Variants in MYOCOS observed in about 807,000 individuals in gnomAD.
The protein encoded by MYOCOS is myocilin opposite strand.
At chr1:171,621,549 G>T (rs2102939086), upstream of MYOCOS, among the ~76,000 whole-genome samples, 1 of 151,930 alleles carries the variant, frequency 6.6e-6, no homozygotes, top group African/African-American at 2.4e-5. Flanking sequence ...CTAATTTTTT[G>T]TATTTTTAGT....
At chr1:171,614,467 T>G (rs533975177) in intron 1 of MYOCOS, among the ~76,000 whole-genome samples, 1 of 152,176 alleles carries the variant, frequency 6.6e-6, no homozygotes, top group African/African-American at 2.4e-5. Context: ...GATGAACCTT[T>G]AGAGTCATCC....
At chr1:171,624,664 G>T (rs530970271) in intron 2 of MYOCOS, among the ~76,000 whole-genome samples, 117 of 152,110 alleles carry the variant, frequency 7.7e-4, no homozygotes, top group African/African-American at 2.6e-3. Flanking sequence ...TCACAGGATG[G>T]TCTAAATCTC....
intron 1 of MYOCOS, among the ~76,000 whole-genome samples, chr1:171,608,882 A>G (rs1026041049): frequency 3.9e-5 from 6 of 152,172 alleles, no homozygotes; most frequent in African/African-American, 1.4e-4. Context: ...AGCTGGGGAA[A>G]TGAGTCCCTG....
At chr1:171,624,209 C>T (rs929418771) in intron 2 of MYOCOS, among the ~76,000 whole-genome samples, 7 of 152,270 alleles carry the variant, frequency 4.6e-5, no homozygotes, top group African/African-American at 1.7e-4. Context: ...ATGTTCACTG[C>T]GTGGGTGGTC....
At chr1:171,603,415 C>G (rs2102931265) in intron 1 of MYOCOS, among the ~76,000 whole-genome samples, 1 of 152,336 alleles carries the variant, frequency 6.6e-6, no homozygotes, top group East Asian at 1.9e-4. Flanking sequence ...AAAAATAAGA[C>G]ATCGTAAAGT....
At chr1:171,614,333 G>A (rs967093478) in intron 1 of MYOCOS, among the ~76,000 whole-genome samples, 2 of 152,226 alleles carry the variant, frequency 1.3e-5, no homozygotes, top group African/African-American at 2.4e-5. Context: ...CATTGAGGGA[G>A]TGCCCTCTGC....
chr1:171,626,111 C>T (rs61013259), intron 2 of MYOCOS, among the ~76,000 whole-genome samples: 14,071 of 152,172 alleles, frequency 0.092, 2,204 homozygotes, highest in African/African-American at 0.32. Flanking sequence ...GAGACAGGGT[C>T]TCACTCTGTC....
rs117972026 is a variant in MYOCOS at position 171,610,230 on chromosome 1, A to G, written c.-251-4568A>G. Among the ~76,000 whole-genome samples, 88 of 152,360 alleles carry G rather than the reference A, an allele frequency of 5.8e-4. 1 individual carries two copies. In the East Asian group the frequency reaches 0.017, roughly 29 times the overall value. On this transcript the variant is annotated intron_variant, in intron 1 of 3. Transcript: ENST00000636697. ...ATGTGAATAACAGGAGTCAGGGATC[A>G]TTGAGTCTCATCTTAGAGGCTGCCT...
chr1:171,603,449 C>G (rs1198903152), intron 1 of MYOCOS, among the ~76,000 whole-genome samples: 1 of 152,156 alleles, frequency 6.6e-6, no homozygotes, highest in Non-Finnish European at 1.5e-5. Flanking sequence ...ATAGGTCTTT[C>G]AACTCTCACA....
rs907293437 is a variant in MYOCOS, at chr1:171,615,764, G to A, written c.-44+759G>A. 3.9e-5 allele frequency among the ~76,000 whole-genome samples: 6 copies of A among 152,352 alleles called. No individual in the cohort carries two copies. The East Asian group carries it at 1.2e-3, about 29-fold the overall frequency. On this transcript the variant is annotated intron_variant, in intron 2 of 3. Transcript: ENST00000636697. ...TCATGTGAAATCTTTAGTGATGTGAGCCCTTAAAAGGGACAGAAGTTGTGC... is the reference window on the plus strand; with the variant it reads ...TCATGTGAAATCTTTAGTGATGTGAACCCTTAAAAGGGACAGAAGTTGTGC...
intron 1 of MYOCOS, 65 bp downstream of exon 1, chr1:171,622,397 A>C (rs1356222765): frequency 6.6e-6 from 1 of 152,198 alleles, no homozygotes; most frequent in African/African-American, 2.4e-5. Flanking sequence ...AGTTCCTGAG[A>C]GAGACTGACT....
intron 1 of MYOCOS, among the ~76,000 whole-genome samples, chr1:171,606,563 AT>A (rs1404560070): frequency 6.8e-6 from 1 of 146,554 alleles, no homozygotes; most frequent in Non-Finnish European, 1.5e-5. Flanking sequence ...ATAAAAGAAC[AT>A]TGTGGAACTC....
chr1:171,625,368 T>G (rs1445434579), intron 2 of MYOCOS, among the ~76,000 whole-genome samples: 2 of 152,232 alleles, frequency 1.3e-5, no homozygotes, highest in Non-Finnish European at 2.9e-5. Context: ...GTGGCCAGAT[T>G]GAAATTTAAA....
chr1:171,603,113 C>T (rs1473391098), intron 1 of MYOCOS, among the ~76,000 whole-genome samples: 1 of 152,340 alleles, frequency 6.6e-6, no homozygotes, highest in Non-Finnish European at 1.5e-5. Flanking sequence ...ATCCCGAAGT[C>T]CCTGCAGGTC....
chr1:171,612,594 G>T (rs1470075370), intron 1 of MYOCOS, among the ~76,000 whole-genome samples: 1 of 151,922 alleles, frequency 6.6e-6, no homozygotes, highest in African/African-American at 2.4e-5. Context: ...GGGAGGCCGA[G>T]GTGGGTGGAT....
At chr1:171,601,862 C>A (rs1224189112) in intron 1 of MYOCOS, among the ~76,000 whole-genome samples, 1 of 152,090 alleles carries the variant, frequency 6.6e-6, no homozygotes, top group Non-Finnish European at 1.5e-5. Flanking sequence ...TATACCAATT[C>A]TAAGTTAATT....
At position 171,601,469 on chromosome 1, in the gene MYOCOS, G is replaced by A. The variant is rs116406213; in HGVS notation, c.-252+389G>A. On this transcript the variant is annotated intron_variant, in intron 1 of 3. Coordinates refer to the MYOCOS transcript ENST00000636697. The stretch of plus-strand genomic sequence containing the variant: ...TGTGGTGAGTGTGTGTAGTGTGAGC[G>A]TGGTATTTTGTCTCAAAAAAAAAAA... Among the ~76,000 whole-genome samples the A allele has an allele frequency of 5.9e-3, 883 of 150,926 alleles. 12 individuals are homozygous for A. The highest frequency in any genetic ancestry group is 0.02 in the African/African-American group (826 of 40,956).
upstream of MYOCOS, among the ~76,000 whole-genome samples, chr1:171,620,664 T>TA (rs78530237): frequency 6.6e-6 from 1 of 151,798 alleles, no homozygotes; most frequent in Non-Finnish European, 1.5e-5. Flanking sequence ...CAACCAATTG[T>TA]AAAAAAGAAA....
At chr1:171,620,575 T>C (rs928499816), upstream of MYOCOS, among the ~76,000 whole-genome samples, 2 of 152,172 alleles carry the variant, frequency 1.3e-5, no homozygotes, top group African/African-American at 4.8e-5. Context: ...TATAAGACTT[T>C]GAAAGAACTT....
Sources: gnomAD v4.1 joint callset for allele counts (sites outside exome capture counted in the v4.1 genomes callset) on GRCh38, gnomAD v4.1.1 for gene constraint, MANE v1.5 for transcripts, NCBI Gene and HGNC (gene_info 2026-07-23, HGNC 2026-07-21) for gene names.